The following PTGS1 variants were observed in gnomAD, a reference collection of about 807,000 sequenced individuals.
PTGS1 encodes the protein prostaglandin G/H synthase 1.
Under a neutral mutation model 63.0 loss-of-function variants are expected in PTGS1, and 40 were observed. That is an observed-to-expected ratio of 0.63 (90% CI 0.49 to 0.83). PTGS1 has a LOEUF of 0.83. PTGS1 is among the 40% of genes least tolerant of loss of function. The pLI, the probability that PTGS1 is intolerant of heterozygous loss-of-function variation, is 0.00. For synonymous variants in PTGS1, 298 were observed against 301.9 expected, an observed-to-expected ratio of 0.99 and a Z score of 0.13; for missense variants, 709 against 786.5, an observed-to-expected ratio of 0.90 and a Z score of 1.18.
Position 122,390,264 on chromosome 9 carries a change from C to G in PTGS1, c.1363C>G (p.Arg455Gly), listed in dbSNP as rs1235877514. The change falls in exon 10 of 11, where the codon CGG (arginine) becomes GGG (glycine). Residue 455 changes from arginine (R) to glycine (G), a missense_variant. Coordinates refer to ENST00000362012, the MANE Select transcript of PTGS1 (RefSeq NM_000962.4). ...HVAVDVIRESREMRLQPFNEY... is the reference protein window; with the variant it reads ...HVAVDVIRESGEMRLQPFNEY... Reference sequence around the variant, plus strand: ...GGCTGTGGATGTCATCAGGGAGTCTCGGGAGATGCGGCTGCAGCCCTTCAA... The same window carrying G: ...GGCTGTGGATGTCATCAGGGAGTCTGGGGAGATGCGGCTGCAGCCCTTCAA... 2 of 1,614,128 alleles carry G rather than the reference C, an allele frequency of 1.2e-6. No homozygotes were observed. Among genetic ancestry groups the G allele is most frequent in the South Asian group, 2.2e-5 (2 of 91,076 alleles).
Position 122,371,238 on chromosome 9 carries a change from C to A in PTGS1, c.60C>A (p.Pro20=). The part of the protein sequence containing the change: ...LLFLLLLPPL[P]VLLADPGAPT... The stretch of plus-strand genomic sequence containing the variant: ...TCCTGCTCCTGCTCCCGCCGCTCCC[C>A]GTCCTGCTCGCGGACCCAGGGGCGC... Residue 20 remains proline (P), a synonymous_variant, in exon 2 of 11, where the codon CCC becomes CCA. Transcript: ENST00000362012. The A allele has an allele frequency of 6.2e-7, 1 of 1,607,488 alleles. No homozygotes were observed. Among genetic ancestry groups the A allele is most frequent in the Non-Finnish European group, 8.5e-7 (1 of 1,179,936 alleles).
intron 5 of PTGS1, among the ~76,000 whole-genome samples, 169 bp downstream of exon 5, chr9:122,379,087 G>A (rs1187277621): frequency 6.6e-6 from 1 of 152,228 alleles, no homozygotes; most frequent in Non-Finnish European, 1.5e-5. Flanking sequence ...AAGGGCAGCA[G>A]AGGGTCTTGC....
In PTGS1 at chr9:122,392,323, C is replaced by A. The variant is rs145989297; in HGVS notation, c.1579C>A (p.Pro527Thr). The stretch of plus-strand genomic sequence containing the variant: ...GGAGAGTATGATAGAGATTGGGGCT[C>A]CCTTTTCCCTCAAGGGTCTCCTAGG... ...FGESMIEIGA[P>T]FSLKGLLGNP... Residue 527 changes from proline (P) to threonine (T), a missense_variant, in exon 11 of 11, where the codon CCC (proline) becomes ACC (threonine). Pro to Thr is a conservative substitution (Grantham distance 38). Transcript: ENST00000362012. 501 of 1,614,116 alleles carry A rather than the reference C, an allele frequency of 3.1e-4. No individual in the cohort carries two copies. The highest frequency in any genetic ancestry group is 3.7e-4 in the South Asian group (34 of 91,080).
At position 122,390,478 on chromosome 9, in the gene PTGS1, G is replaced by T. The variant is rs1259653602; in HGVS notation, c.1444+133G>T. On this transcript the variant is annotated intron_variant, in intron 10 of 10. Coordinates refer to ENST00000362012, the MANE Select transcript of PTGS1 (RefSeq NM_000962.4). ...AACCAGACTTATAATGGGCGTGGAA[G>T]TGCTGTGCCAGGGTGGTAAATAAGC... 3 of 1,096,732 alleles carry T rather than the reference G, an allele frequency of 2.7e-6. No individual in the cohort carries two copies. The South Asian group carries it at 5.0e-5, about 18-fold the overall frequency. The allele number at this position is 1,096,732 out of a possible 1,614,324, so 67.9% of individuals were successfully genotyped here. A position where few individuals can be genotyped will look rare whatever the true frequency, so the allele number is the denominator to read the frequency against.
intron 2 of PTGS1, chr9:122,371,622 T>C: frequency 7.0e-7 from 1 of 1,431,092 alleles, no homozygotes. Flanking sequence ...GGGGCCTCTT[T>C]GGGAGGAAGC....
At chr9:122,388,215 CTTTTTTT>C (rs895739933) in intron 9 of PTGS1, among the ~76,000 whole-genome samples, 9 of 151,402 alleles carry the variant, frequency 5.9e-5, no homozygotes, top group Non-Finnish European at 1.2e-4. Flanking sequence ...TTTCTTTTTT[CTTTTTTT>C]TTAAATAGAG....
chr9:122,378,235 C>T (rs1339699383), intron 3 of PTGS1, among the ~76,000 whole-genome samples, 198 bp from the exon 4 acceptor site: 1 of 152,158 alleles, frequency 6.6e-6, no homozygotes, highest in East Asian at 1.9e-4. Context: ...GTCTTCACCA[C>T]ATGCCCTGGC....
At chr9:122,380,683 C>G (rs1455298357) in intron 5 of PTGS1, among the ~76,000 whole-genome samples, 1 of 152,140 alleles carries the variant, frequency 6.6e-6, no homozygotes, top group African/African-American at 2.4e-5. Flanking sequence ...TCTGCAAAGC[C>G]TAAAATGTTT....
rs1837678112 is a variant in PTGS1, at chr9:122,383,620, G to A, written c.874G>A (p.Gly292Arg). Residue 292 changes from glycine (G) to arginine (R), a missense_variant, in exon 8 of 11, where the codon GGG (glycine) becomes AGG (arginine). Coordinates refer to ENST00000362012, the MANE Select transcript of PTGS1 (RefSeq NM_000962.4). ...GATGGCTGTGGGCCAGGAGGTGTTT[G>A]GGCTGCTTCCTGGGCTCATGCTGTA... is the stretch of plus-strand genomic sequence containing the variant. ...SQMAVGQEVF[G>R]LLPGLMLYAT... The A allele has an allele frequency of 6.2e-7, 1 of 1,614,050 alleles. No individual in the cohort carries two copies. The highest frequency in any genetic ancestry group is 1.3e-5 in the African/African-American group (1 of 74,932).
At chr9:122,380,591 AC>A (rs1837451684) in intron 5 of PTGS1, among the ~76,000 whole-genome samples, 1 of 152,232 alleles carries the variant, frequency 6.6e-6, no homozygotes, top group African/African-American at 2.4e-5. Flanking sequence ...GAACACAGCC[AC>A]ACACATTTGT....
chr9:122,392,140 T>C, intron 10 of PTGS1, 49 bp from the exon 11 acceptor site: 6 of 1,510,264 alleles, frequency 4.0e-6, no homozygotes, highest in East Asian at 2.3e-5. Flanking sequence ...AGGTTGACCT[T>C]AATGGCATCA....
chr9:122,389,832 G>A (rs1454724483), intron 9 of PTGS1, among the ~76,000 whole-genome samples: 2 of 152,076 alleles, frequency 1.3e-5, no homozygotes, highest in Non-Finnish European at 2.9e-5. Context: ...ATGGTGGCAC[G>A]TGTCTGTAGT....
chr9:122,383,980 G>T (rs1588133495), intron 8 of PTGS1, among the ~76,000 whole-genome samples: 1 of 152,156 alleles, frequency 6.6e-6, no homozygotes, highest in South Asian at 2.1e-4. Context: ...TCATGAATGG[G>T]AAGGCAACTA....
intron 9 of PTGS1, 72 bp downstream of exon 9, chr9:122,386,804 G>T (rs922804758): frequency 4.3e-5 from 66 of 1,550,474 alleles, no homozygotes; most frequent in Non-Finnish European, 5.8e-5. Flanking sequence ...CAAATTCCAG[G>T]TTCTTCTTCT....
At chr9:122,377,768 G>C (rs188226937) in intron 2 of PTGS1, 131 bp from the exon 3 acceptor site, 14 of 765,492 alleles carry the variant, frequency 1.8e-5, no homozygotes, top group Non-Finnish European at 3.1e-5. Context: ...CTGAAGCCCT[G>C]GCACCCAGTG....
intron 2 of PTGS1, 71 bp from the exon 3 acceptor site, chr9:122,377,825 TCCC>T: frequency 7.7e-7 from 1 of 1,299,790 alleles, no homozygotes. Flanking sequence ...GGCCCCTCAT[TCCC>T]CCATCAGGGG....
intron 2 of PTGS1, among the ~76,000 whole-genome samples, chr9:122,373,093 A>G (rs1836906363): frequency 6.6e-6 from 1 of 152,164 alleles, no homozygotes; most frequent in Non-Finnish European, 1.5e-5. Context: ...TGACTTTTGG[A>G]CTGGACCTCG....
At chr9:122,376,551 G>A (rs1337481628) in intron 2 of PTGS1, among the ~76,000 whole-genome samples, 1 of 152,148 alleles carries the variant, frequency 6.6e-6, no homozygotes, top group African/African-American at 2.4e-5. Context: ...AGCACCCTGA[G>A]ATGACAGCAT....
intron 2 of PTGS1, 123 bp downstream of exon 2, chr9:122,371,395 C>T: frequency 6.7e-7 from 1 of 1,482,170 alleles, no homozygotes; most frequent in South Asian, 1.3e-5. Flanking sequence ...CTGAGAAAGA[C>T]TGAGGCTGAG....
Sources: gnomAD v4.1 joint callset for allele counts (sites outside exome capture counted in the v4.1 genomes callset) on GRCh38, gnomAD v4.1.1 for gene constraint, MANE v1.5 for transcripts, NCBI Gene and HGNC (gene_info 2026-07-23, HGNC 2026-07-21) for gene names.